The following TOMM34 variants were observed in gnomAD, a reference collection of about 807,000 sequenced individuals.
The protein encoded by TOMM34 is translocase of outer mitochondrial membrane 34, also known as mitochondrial import receptor subunit TOM34.
In TOMM34, 24 loss-of-function variants were observed where a neutral mutation model predicts 37.4. The observed-to-expected ratio is 0.64, with a 90% confidence interval of 0.46 to 0.90. The LOEUF (loss-of-function observed/expected upper bound fraction) is 0.90. Ranked by LOEUF, TOMM34 falls within the 40% of genes least tolerant of loss-of-function variation. The probability of loss-of-function intolerance (pLI) is 0.00; values close to 1 mark genes in which losing one functional copy is unlikely to be tolerated. For missense variants in TOMM34, 304 were observed against 375.6 expected, an observed-to-expected ratio of 0.81 and a Z score of 1.58; for synonymous variants, 154 against 148.9, an observed-to-expected ratio of 1.03 and a Z score of -0.25.
intron 2 of TOMM34, among the ~76,000 whole-genome samples, chr20:44,956,026 C>T (rs975506625): frequency 2.6e-5 from 4 of 152,256 alleles, no homozygotes; most frequent in South Asian, 2.1e-4. Flanking sequence ...TTCTTTCCTT[C>T]GCTCCCTTCC....
At chr20:44,949,325 G>C (rs1241977004) in intron 4 of TOMM34, among the ~76,000 whole-genome samples, 3 of 152,182 alleles carry the variant, frequency 2.0e-5, no homozygotes, top group Non-Finnish European at 2.9e-5. Context: ...TAAACTTAAA[G>C]CAGGACAATA....
At chr20:44,946,565 C>G (rs927480990) in intron 5 of TOMM34, among the ~76,000 whole-genome samples, 2 of 152,206 alleles carry the variant, frequency 1.3e-5, no homozygotes, top group African/African-American at 4.8e-5. Flanking sequence ...GGACAATGAT[C>G]TAAGCTGAAG....
At chr20:44,951,726 A>G in intron 4 of TOMM34, 107 bp downstream of exon 4, 3 of 1,356,540 alleles carry the variant, frequency 2.2e-6, no homozygotes, top group Non-Finnish European at 3.0e-6. Flanking sequence ...TTTGTTCCTA[A>G]GATTATTTTT....
chr20:44,943,708 T>A, intron 5 of TOMM34, 129 bp from the exon 6 acceptor site: 1 of 1,364,390 alleles, frequency 7.3e-7, no homozygotes, highest in Non-Finnish European at 1.0e-6. Flanking sequence ...TATGTCTTCT[T>A]AAATCCTCAC....
At position 44,951,935 on chromosome 20, in the gene TOMM34, C is replaced by T; in HGVS notation, c.448G>A (p.Val150Met). The change falls in exon 4 of 7, where the codon GTG becomes ATG. Residue 150 changes from valine (V) to methionine (M), a missense_variant. By Grantham distance (21) the Val-to-Met change is conservative (BLOSUM62 1). Coordinates refer to ENST00000372813, the MANE Select transcript of TOMM34 (RefSeq NM_006809.5). ...CACCTCTTCTGAGCTGAAACAGGCA[C>T]CAAGGGGATTGAGGGCAGCTTCAGG... ...WRLKLPSIPL[V>M]PVSAQKRWNS... The T allele has an allele frequency of 6.2e-7, 1 of 1,614,118 alleles. No individual in the cohort carries two copies. Among genetic ancestry groups the T allele is most frequent in the Non-Finnish European group, 8.5e-7 (1 of 1,179,984 alleles).
At chr20:44,945,702 C>T (rs1347087514) in intron 5 of TOMM34, among the ~76,000 whole-genome samples, 1 of 152,198 alleles carries the variant, frequency 6.6e-6, no homozygotes, top group Non-Finnish European at 1.5e-5. Flanking sequence ...AGGATTCCAG[C>T]CCCAGCTACC....
At chr20:44,946,304 G>T (rs1165987258) in intron 5 of TOMM34, among the ~76,000 whole-genome samples, 1 of 152,154 alleles carries the variant, frequency 6.6e-6, no homozygotes, top group Non-Finnish European at 1.5e-5. Flanking sequence ...GACTTCTAAA[G>T]ACTATATTTA....
chr20:44,954,133 C>T (rs973375037), intron 3 of TOMM34, among the ~76,000 whole-genome samples: 2 of 152,226 alleles, frequency 1.3e-5, no homozygotes, highest in African/African-American at 2.4e-5. Context: ...CTCACCTCCT[C>T]TGAAAAGCTC....
At position 44,955,685 on chromosome 20, in the gene TOMM34, A is replaced by AC. The variant is rs1372532772; in HGVS notation, c.228-466dup. ...CTGGCCTGGGACACATGGTAACCGT[A>AC]CCCCACAGATTGGTTGTGAACACTC... On this transcript the variant is annotated intron_variant, in intron 2 of 6. Coordinates refer to ENST00000372813, the MANE Select transcript of TOMM34 (RefSeq NM_006809.5). The AC allele has an allele frequency of 6.6e-6, 3 of 456,116 alleles. No individual in the cohort carries two copies. The East Asian group carries it at 2.1e-4, about 32-fold the overall frequency. 28.3% of individuals were successfully genotyped at this position (456,116 alleles called of 1,614,324 possible).
At chr20:44,945,255 T>C (rs1311383118) in intron 5 of TOMM34, among the ~76,000 whole-genome samples, 2 of 152,204 alleles carry the variant, frequency 1.3e-5, no homozygotes, top group Non-Finnish European at 2.9e-5. Context: ...TCCTTTGTGA[T>C]TGCATGGAAT....
At chr20:44,953,688 C>G (rs1398928029) in intron 3 of TOMM34, among the ~76,000 whole-genome samples, 3 of 152,148 alleles carry the variant, frequency 2.0e-5, no homozygotes, top group Non-Finnish European at 2.9e-5. Context: ...GTGTCTTCTT[C>G]TATTCCTCCC....
At chr20:44,959,754 C>A (rs1270633843) in intron 1 of TOMM34, among the ~76,000 whole-genome samples, 2 of 152,144 alleles carry the variant, frequency 1.3e-5, no homozygotes, top group African/African-American at 4.8e-5. Context: ...TCAACTCTAT[C>A]ACATCACCCT....
intron 5 of TOMM34, among the ~76,000 whole-genome samples, chr20:44,947,591 T>G (rs2066991424): frequency 6.6e-6 from 1 of 152,080 alleles, no homozygotes; most frequent in African/African-American, 2.4e-5. Flanking sequence ...CTCTGCCTCC[T>G]GGGTTCAAGT....
chr20:44,948,876 C>G lies in TOMM34; in HGVS notation c.552G>C (p.Val184=). ...SKETTATKNR[V]PSAGDVEKAR... is the part of the protein sequence containing the mutation. ...CTTTCTCCACATCCCCAGCAGAAGG[C>G]ACTAGATACAAATTCAGAAGAGGAA... Residue 184 remains valine (V), a splice_region_variant and synonymous_variant, in exon 5 of 7, where the codon GTG becomes GTC. Coordinates refer to ENST00000372813, the MANE Select transcript of TOMM34 (RefSeq NM_006809.5). 6.2e-7 allele frequency: 1 copy of G among 1,613,626 alleles called. No homozygotes were observed.
At chr20:44,960,090 A>AGGGGCTGGAAGGGTGGG in intron 1 of TOMM34, 117 bp downstream of exon 1, 1 of 572,742 alleles carries the variant, frequency 1.7e-6, no homozygotes, top group Non-Finnish European at 2.8e-6. Context: ...CGGAGTCGGA[A>AGGGGCTGGAAGGGTGGG]GGGGCTGGAA....
intron 2 of TOMM34, 60 bp downstream of exon 2, chr20:44,956,326 T>TTAACCCAGCCTC (rs1351914370): frequency 6.5e-7 from 1 of 1,527,210 alleles, no homozygotes; most frequent in African/African-American, 1.4e-5. Flanking sequence ...ACAAGCCAGA[T>TTAACCCAGCCTC]TAACCCAGCC....
At chr20:44,955,624 A>G (rs1019633545) in intron 2 of TOMM34, 2 of 458,450 alleles carry the variant, frequency 4.4e-6, no homozygotes, top group Non-Finnish European at 8.8e-6. Context: ...GACCCAGGTA[A>G]ATCACTTTAC....
chr20:44,960,243 G>C lies in TOMM34; in HGVS notation c.91C>G (p.Leu31Val). 1 of 1,567,394 alleles carries C rather than the reference G, an allele frequency of 6.4e-7. No individual in the cohort carries two copies. Among genetic ancestry groups the C allele is most frequent in the East Asian group, 2.4e-5 (1 of 41,718 alleles). The change falls in exon 1 of 7, where the codon CTC (leucine) becomes GTC (valine). Residue 31 changes from leucine to valine, a missense_variant. Physicochemically the swap from Leu to Val is conservative, Grantham distance 32. Transcript: ENST00000372813. ...AGCACCCGCAGCGCGCGGCCGTAGAGCGCGGAGGCCTCGGCGTACTGGCCG... is the reference window on the plus strand; with the variant it reads ...AGCACCCGCAGCGCGCGGCCGTAGACCGCGGAGGCCTCGGCGTACTGGCCG... ...RNGQYAEASA[L>V]YGRALRVLQA...
In TOMM34 at chr20:44,960,323, T is replaced by C. The variant is rs201330529; in HGVS notation, c.11A>G (p.Lys4Arg). ...GAGCTCCTCCACAGAGTCTGGGAAT[T>C]TGGGGGCCATCCCGTGGCCAGGCCG... MAP[K>R]FPDSVEELRA... Residue 4 changes from lysine to arginine, a missense_variant, in exon 1 of 7, where the codon AAA becomes AGA. Coordinates refer to ENST00000372813, the MANE Select transcript of TOMM34 (RefSeq NM_006809.5). 18 of 1,577,644 alleles carry C rather than the reference T, an allele frequency of 1.1e-5. No individual in the cohort carries two copies. In the African/African-American group the frequency reaches 2.1e-4, roughly 18 times the overall value.
Sources: gnomAD v4.1 joint callset for allele counts (sites outside exome capture counted in the v4.1 genomes callset) on GRCh38, gnomAD v4.1.1 for gene constraint, MANE v1.5 for transcripts, NCBI Gene and HGNC (gene_info 2026-07-23, HGNC 2026-07-21) for gene names.